The following DTWD2 variants were observed in gnomAD, a reference collection of about 807,000 sequenced individuals.
DTWD2 encodes the protein tRNA-uridine aminocarboxypropyltransferase 2.
A neutral mutation model predicts 31.8 loss-of-function variants in DTWD2; 39 were observed. The ratio of observed to expected loss-of-function variants is 1.22; its 90% confidence interval spans 0.95 to 1.60. The LOEUF (loss-of-function observed/expected upper bound fraction) is 1.60. Among genes scored for constraint, DTWD2 ranks in the 40% most tolerant of loss-of-function variants. The pLI is 0.00. For missense variants in DTWD2, 515 were observed against 381.5 expected, an observed-to-expected ratio of 1.35 and a Z score of -2.92; for synonymous variants, 180 against 142.8, an observed-to-expected ratio of 1.26 and a Z score of -1.86.
At chr5:118,897,634 T>C (rs1047033053) in intron 4 of DTWD2, among the ~76,000 whole-genome samples, 2 of 152,144 alleles carry the variant, frequency 1.3e-5, no homozygotes, top group African/African-American at 2.4e-5. Flanking sequence ...CATGCAGCAA[T>C]AGATAACTGC....
intron 1 of DTWD2, among the ~76,000 whole-genome samples, chr5:118,958,755 T>C (rs1487034425): frequency 2.0e-5 from 3 of 152,306 alleles, no homozygotes; most frequent in Non-Finnish European, 4.4e-5. Flanking sequence ...CACTGCAATC[T>C]GATCAAGTAG....
intron 4 of DTWD2, among the ~76,000 whole-genome samples, chr5:118,919,651 G>A (rs1301921229): frequency 6.6e-6 from 1 of 152,096 alleles, no homozygotes; most frequent in African/African-American, 2.4e-5. Flanking sequence ...CATATATAAG[G>A]TTCATAACAA....
intron 4 of DTWD2, among the ~76,000 whole-genome samples, chr5:118,879,924 C>T (rs1370273472): frequency 6.6e-6 from 1 of 152,114 alleles, no homozygotes; most frequent in Non-Finnish European, 1.5e-5. Context: ...ACCTTTGTAA[C>T]AAACCTGCCC....
intron 4 of DTWD2, among the ~76,000 whole-genome samples, chr5:118,866,603 A>G (rs894140593): frequency 6.6e-6 from 1 of 152,214 alleles, no homozygotes; most frequent in African/African-American, 2.4e-5. Flanking sequence ...TGTTTTAAAA[A>G]TATAAATTCT....
chr5:118,937,715 C>T lies in DTWD2; in HGVS notation c.404+1481G>A, dbSNP rs111888373. Among the ~76,000 whole-genome samples, 811 of 152,350 alleles carry T rather than the reference C, an allele frequency of 5.3e-3. 8 individuals are homozygous for T. Among genetic ancestry groups the T allele is most frequent in the African/African-American group, 0.019 (790 of 41,574 alleles). On this transcript the variant is annotated intron_variant, in intron 3 of 5. Transcript: ENST00000510708. ...GGGAAATCCCAAGGGATAATCCCCACAGACCTTAATAAAGGCATAATCCCA... is the reference window on the plus strand; with the variant it reads ...GGGAAATCCCAAGGGATAATCCCCATAGACCTTAATAAAGGCATAATCCCA...
At chr5:118,842,797 A>G (rs953189912) in intron 5 of DTWD2, among the ~76,000 whole-genome samples, 3 of 151,126 alleles carry the variant, frequency 2.0e-5, no homozygotes, top group Non-Finnish European at 4.4e-5. Context: ...AATAGAAAAA[A>G]TTAGCCAGAC....
intron 4 of DTWD2, among the ~76,000 whole-genome samples, chr5:118,912,077 G>GGGGCC (rs1380529444): frequency 6.6e-6 from 1 of 152,168 alleles, no homozygotes; most frequent in Non-Finnish European, 1.5e-5. Flanking sequence ...ATCCATCAGA[G>GGGGCC]GGGCACTGTT....
chr5:118,893,083 T>C (rs1753008566), intron 4 of DTWD2, among the ~76,000 whole-genome samples: 1 of 150,988 alleles, frequency 6.6e-6, no homozygotes, highest in African/African-American at 2.4e-5. Context: ...TAAAAAAAAG[T>C]GGAAATGAAA....
In DTWD2 at chr5:118,879,007, T is replaced by A. The variant is rs561842435; in HGVS notation, c.598-30789A>T. ...AAAATAACAGATGCTAGCAAGGTTG[T>A]AGAGGAAAAGGAACACTTCTACACT... On this transcript the variant is annotated intron_variant, in intron 4 of 5. Transcript: ENST00000510708. 2.7e-4 allele frequency among the ~76,000 whole-genome samples: 41 copies of A among 151,274 alleles called. 1 individual carries two copies. The South Asian group carries it at 8.2e-3, about 30-fold the overall frequency.
chr5:118,972,228 G>A (rs1183225385), intron 1 of DTWD2, among the ~76,000 whole-genome samples: 3 of 152,078 alleles, frequency 2.0e-5, no homozygotes, highest in African/African-American at 7.2e-5. Context: ...CTGCTAGGTA[G>A]ACTAATAAAG....
intron 1 of DTWD2, among the ~76,000 whole-genome samples, chr5:118,971,366 C>A (rs938473513): frequency 4.6e-5 from 7 of 151,938 alleles, no homozygotes; most frequent in African/African-American, 1.7e-4. Context: ...TTTAAACCAA[C>A]AAAGATCAAA....
chr5:118,865,104 G>C (rs754789789), intron 4 of DTWD2, among the ~76,000 whole-genome samples: 1 of 152,022 alleles, frequency 6.6e-6, no homozygotes, highest in South Asian at 2.1e-4. Context: ...ATAACCTTAC[G>C]TATGATACAC....
At chr5:118,908,656 C>CA (rs771874998) in intron 4 of DTWD2, among the ~76,000 whole-genome samples, 3,004 of 133,228 alleles carry the variant, frequency 0.023, 74 homozygotes, top group African/African-American at 0.072. Flanking sequence ...CCACCACCAC[C>CA]AAAAAAAAAA....
At chr5:118,844,283 G>A (rs1237410054) in intron 5 of DTWD2, among the ~76,000 whole-genome samples, 1 of 152,196 alleles carries the variant, frequency 6.6e-6, no homozygotes, top group Non-Finnish European at 1.5e-5. Context: ...GTTATAGCAG[G>A]AGGTTTTGCC....
At chr5:118,974,423 AT>A (rs1415115965) in intron 1 of DTWD2, among the ~76,000 whole-genome samples, 1 of 152,252 alleles carries the variant, frequency 6.6e-6, no homozygotes, top group Non-Finnish European at 1.5e-5. Flanking sequence ...TTTTGTACAT[AT>A]TGTTAGAGTC....
chr5:118,892,146 T>G (rs537023928), intron 4 of DTWD2, among the ~76,000 whole-genome samples: 1 of 152,182 alleles, frequency 6.6e-6, no homozygotes, highest in East Asian at 1.9e-4. Flanking sequence ...GTGTGTATTT[T>G]ATCTATACAG....
At chr5:118,896,229 T>G (rs1230182677) in intron 4 of DTWD2, among the ~76,000 whole-genome samples, 1 of 152,156 alleles carries the variant, frequency 6.6e-6, no homozygotes, top group Non-Finnish European at 1.5e-5. Flanking sequence ...CAAGAAACAC[T>G]TCTAATCACA....
intron 4 of DTWD2, among the ~76,000 whole-genome samples, chr5:118,910,579 CG>C (rs141320817): frequency 6.6e-6 from 1 of 152,172 alleles, no homozygotes; most frequent in South Asian, 2.1e-4. Context: ...CCGTTCATGG[CG>C]GTGTAGGCTT....
intron 1 of DTWD2, among the ~76,000 whole-genome samples, chr5:118,949,464 A>T (rs141499931): frequency 7.0e-4 from 106 of 152,300 alleles, no homozygotes; most frequent in African/African-American, 2.4e-3. Flanking sequence ...GGACAGGCAA[A>T]ACAATTTGGT....
Sources: allele counts gnomAD v4.1 joint callset (sites outside exome capture counted in the v4.1 genomes callset), GRCh38; gene constraint gnomAD v4.1.1; transcripts MANE v1.5; gene names NCBI Gene and HGNC (gene_info 2026-07-23, HGNC 2026-07-21).